The following NR4A3 variants were observed in gnomAD, a reference collection of about 807,000 sequenced individuals.
The protein encoded by NR4A3 is chondrosarcoma, extraskeletal myxoid, fused to EWS.
NR4A3 carries 13 observed loss-of-function variants against 55.6 expected under a neutral mutation model. That is an observed-to-expected ratio of 0.23 (90% confidence interval 0.15 to 0.37). The LOEUF is 0.37. Among genes scored for constraint, NR4A3 ranks in the 10% least tolerant of loss-of-function variants. The pLI is 1.00. For synonymous variants in NR4A3, 342 were observed against 357.9 expected (o/e 0.96, Z 0.50); for missense variants, 646 against 822.8 (o/e 0.79, Z 2.63).
chr9:99,824,957 C>T (rs956916133), intron 1 of NR4A3, among the ~76,000 whole-genome samples: 2 of 152,212 alleles, frequency 1.3e-5, no homozygotes, highest in African/African-American at 2.4e-5. Flanking sequence ...GGACCTGCCT[C>T]CGCTCGTCCC....
chr9:99,844,912 G>A, intron 6 of NR4A3, 64 bp downstream of exon 6: 1 of 1,246,716 alleles, frequency 8.0e-7, no homozygotes, highest in East Asian at 2.3e-5. Context: ...TTCTGTGTTT[G>A]TAACTGAATC....
chr9:99,829,046 G>C, intron 3 of NR4A3, 53 bp downstream of exon 3: 1 of 1,297,854 alleles, frequency 7.7e-7, no homozygotes, highest in African/African-American at 1.5e-5. Flanking sequence ...ACTGAAGGGA[G>C]CTTCTAAGTG....
chr9:99,843,914 C>G (rs1331458018), intron 5 of NR4A3, among the ~76,000 whole-genome samples: 1 of 152,052 alleles, frequency 6.6e-6, no homozygotes, highest in East Asian at 1.9e-4. Context: ...CCACCACACC[C>G]AGCTAATTTT....
rs775594049 is a variant in NR4A3 at position 99,832,694 on chromosome 9, A to G, written c.957A>G (p.Thr319=). The change falls in exon 4 of 8, where the codon ACA becomes ACG. Residue 319 remains threonine (T), a synonymous_variant. Transcript: ENST00000395097. ...CEGCKGFFKR[T]VQKNAKYVCL... ...CTTGTATTATATTTTCTCAGAGAACAGTGCAGAAAAATGCAAAATATGTTT... is the reference window on the plus strand; with the variant it reads ...CTTGTATTATATTTTCTCAGAGAACGGTGCAGAAAAATGCAAAATATGTTT... 1.3e-6 allele frequency: 2 copies of G among 1,597,472 alleles called. No homozygotes were observed. The highest frequency in any genetic ancestry group is 2.2e-5 in the East Asian group (1 of 44,622).
chr9:99,856,807 G>T (rs542896768), intron 7 of NR4A3, among the ~76,000 whole-genome samples: 1 of 152,296 alleles, frequency 6.6e-6, no homozygotes, highest in East Asian at 1.9e-4. Flanking sequence ...CTGCCTAAAC[G>T]GATTCTGCAT....
chr9:99,828,098 C>A lies in NR4A3; in HGVS notation c.56C>A (p.Ala19Glu). Residue 19 changes from alanine (A) to glutamate (E), a missense_variant, in exon 3 of 8, where the codon GCG (alanine) becomes GAG (glutamate). By Grantham distance (107) the Ala-to-Glu change is moderately radical. This residue lies in a region of NR4A3 where 426 missense variants were observed against 429.4 expected (regional missense o/e 0.99). Coordinates refer to ENST00000395097, the MANE Select transcript of NR4A3 (RefSeq NM_006981.4). The surrounding 1 kb of genome is among the most constrained non-coding windows in gnomAD (Gnocchi z 7.7). ...SPSPPGSSYA[A>E]QTYSSEYTTE... Reference sequence around the variant, plus strand: ...TCCCCTCCAGGTTCCAGTTATGCGGCGCAGACATACAGCTCGGAATACACC... The same window carrying A: ...TCCCCTCCAGGTTCCAGTTATGCGGAGCAGACATACAGCTCGGAATACACC... The A allele has an allele frequency of 6.2e-7, 1 of 1,614,054 alleles. No individual in the cohort carries two copies. The highest frequency in any genetic ancestry group is 8.5e-7 in the Non-Finnish European group (1 of 1,179,988).
At chr9:99,844,594 T>C in intron 5 of NR4A3, 55 bp from the exon 6 acceptor site, 2 of 1,454,868 alleles carry the variant, frequency 1.4e-6, no homozygotes, top group Non-Finnish European at 1.9e-6. Context: ...TTGCAAGTGA[T>C]GCCATCATCC....
At chr9:99,836,171 G>A (rs745462758) in intron 5 of NR4A3, among the ~76,000 whole-genome samples, 16 of 152,210 alleles carry the variant, frequency 1.1e-4, no homozygotes, top group Non-Finnish European at 2.1e-4. Context: ...TAATATGATG[G>A]ATGTCAGTAT....
At chr9:99,845,291 G>T (rs1827734291) in intron 6 of NR4A3, among the ~76,000 whole-genome samples, 1 of 152,152 alleles carries the variant, frequency 6.6e-6, no homozygotes, top group South Asian at 2.1e-4. Context: ...TAGCACACCT[G>T]ATGGGGCCCT....
chr9:99,830,705 G>T (rs1046355636), intron 3 of NR4A3, among the ~76,000 whole-genome samples: 2 of 152,172 alleles, frequency 1.3e-5, no homozygotes, highest in Non-Finnish European at 2.9e-5. Context: ...CTACTTTCAA[G>T]TAACTGCATT....
At chr9:99,833,997 C>G in intron 5 of NR4A3, 1 of 1,123,842 alleles carries the variant, frequency 8.9e-7, no homozygotes, top group Non-Finnish European at 1.1e-6. Flanking sequence ...CCTGTGTCAC[C>G]TGGTTCCTGC....
At position 99,865,570 on chromosome 9, in the gene NR4A3, A is replaced by G. The variant is rs1219229841; in HGVS notation, c.*1703A>G. 1 of 186,808 alleles carries G rather than the reference A, an allele frequency of 5.4e-6. No individual in the cohort carries two copies. Among genetic ancestry groups the G allele is most frequent in the Non-Finnish European group, 1.1e-5 (1 of 88,216 alleles). 11.6% of individuals were successfully genotyped at this position (186,808 alleles called of 1,614,324 possible). On this transcript the variant is annotated 3_prime_UTR_variant, in exon 8 of 8. Transcript: ENST00000395097. This position sits in a 1 kb window ranked among gnomAD's most constrained non-coding sequence, Gnocchi z 4.3. ...TCAAAATATCTTTGGCCATTTTGCT[A>G]AGAAACAAACTTTGAATGTCAAACT...
chr9:99,847,624 C>T lies in NR4A3; in HGVS notation c.1633+9C>T. 8.7e-6 allele frequency: 14 copies of T among 1,612,278 alleles called. No individual in the cohort carries two copies. Among genetic ancestry groups the T allele is most frequent in the Non-Finnish European group, 1.2e-5 (14 of 1,178,828 alleles). ...ACTGAGCATGATCACAGGTAAGCACCACCTTGCCAAAACCGCATCCTCATT... is the reference window on the plus strand; with the variant it reads ...ACTGAGCATGATCACAGGTAAGCACTACCTTGCCAAAACCGCATCCTCATT... On this transcript the variant is annotated intron_variant, in intron 7 of 7. Coordinates refer to ENST00000395097, the MANE Select transcript of NR4A3 (RefSeq NM_006981.4).
rs770304788 is a variant in NR4A3 at position 99,866,490 on chromosome 9, C to G, written c.*2623C>G. On this transcript the variant is annotated 3_prime_UTR_variant, in exon 8 of 8. Transcript: ENST00000395097. ...TGAGTGCTAAAAATAAAGATGATAG[C>G]ATGTTCTTCTGTCTTCCATAGTTAT... 1.8e-4 allele frequency: 42 copies of G among 228,038 alleles called. No individual in the cohort carries two copies. The highest frequency in any genetic ancestry group is 3.1e-4 in the Non-Finnish European group (36 of 114,564). 14.1% of individuals were successfully genotyped at this position (228,038 alleles called of 1,614,324 possible).
chr9:99,828,226 G>C lies in NR4A3; in HGVS notation c.184G>C (p.Val62Leu). The change falls in exon 3 of 8, where the codon GTG becomes CTG. Residue 62 changes from valine (V) to leucine (L), a missense_variant. By Grantham distance (32) the Val-to-Leu change is conservative. This residue lies in a region of NR4A3 where 426 missense variants were observed against 429.4 expected (regional missense o/e 0.99). Transcript: ENST00000395097. This position sits in a 1 kb window ranked among gnomAD's most constrained non-coding sequence, Gnocchi z 7.7. ...GTCCCTGCCCAGCATCAGTACCTTC[G>C]TGGAGGGCTACTCGAGCAACTACGA... is the stretch of plus-strand genomic sequence containing the variant. ...TTSLPSISTFVEGYSSNYELK... is the reference protein window; with the variant it reads ...TTSLPSISTFLEGYSSNYELK... 6.2e-7 allele frequency: 1 copy of C among 1,613,858 alleles called. No homozygotes were observed. Among genetic ancestry groups the C allele is most frequent in the Non-Finnish European group, 8.5e-7 (1 of 1,179,944 alleles).
At chr9:99,824,171 G>A (rs761793061) in intron 1 of NR4A3, among the ~76,000 whole-genome samples, 2 of 152,212 alleles carry the variant, frequency 1.3e-5, no homozygotes, top group Non-Finnish European at 2.9e-5. Context: ...CGCTTGTGGG[G>A]TGGAGAGAGC....
chr9:99,863,256 C>A (rs1828039100), intron 7 of NR4A3, among the ~76,000 whole-genome samples: 2 of 152,178 alleles, frequency 1.3e-5, no homozygotes. Flanking sequence ...AATAACCACC[C>A]TGCCATTCAT....
At position 99,865,842 on chromosome 9, in the gene NR4A3, G is replaced by A. The variant is rs1328563302; in HGVS notation, c.*1975G>A. 4.7e-6 allele frequency: 1 copy of A among 212,056 alleles called. No individual in the cohort carries two copies. The highest frequency in any genetic ancestry group is 9.6e-6 in the Non-Finnish European group (1 of 104,458). The allele number at this position is 212,056 out of a possible 1,614,324, so 13.1% of individuals were successfully genotyped here. On this transcript the variant is annotated 3_prime_UTR_variant, in exon 8 of 8. Coordinates refer to ENST00000395097, the MANE Select transcript of NR4A3 (RefSeq NM_006981.4). This position sits in a 1 kb window ranked among gnomAD's most constrained non-coding sequence, Gnocchi z 4.3. ...GATTGTTATTTTTATATATCAAGAT[G>A]ATAGAACCTGGAATGTTAGGATTTT... is the stretch of plus-strand genomic sequence containing the variant.
At chr9:99,830,651 G>A (rs1827420505) in intron 3 of NR4A3, among the ~76,000 whole-genome samples, 1 of 152,188 alleles carries the variant, frequency 6.6e-6, no homozygotes, top group African/African-American at 2.4e-5. Context: ...TTTAGCCACT[G>A]AGTTTGGCCA....
Sources: allele counts gnomAD v4.1 joint callset (sites outside exome capture counted in the v4.1 genomes callset), GRCh38; gene constraint gnomAD v4.1.1; regional missense constraint gnomAD v4.1.1; non-coding constraint Gnocchi (gnomAD v3.1); transcripts MANE v1.5; gene names NCBI Gene and HGNC (gene_info 2026-07-23, HGNC 2026-07-21).